CD36: variants seen among roughly 807,000 people sequenced by gnomAD.
CD36 encodes CD36 molecule (CD36 blood group).
A neutral mutation model predicts 55.2 loss-of-function variants in CD36; 119 were observed. That is an observed-to-expected ratio of 2.15 (90% confidence interval 1.86 to 2.51). CD36 has a LOEUF of 2.51. Ranked by LOEUF, CD36 falls within the 30% of genes most tolerant of loss-of-function variation. The pLI, the probability that CD36 is intolerant of heterozygous loss-of-function variation, is 0.00. For synonymous variants in CD36, 186 were observed against 193.6 expected (o/e 0.96, Z 0.33); for missense variants, 819 against 555.5 (o/e 1.47, Z -4.77).
At chr7:80,658,992 A>G (rs1303730485) in intron 4 of CD36, among the ~76,000 whole-genome samples, 1 of 152,154 alleles carries the variant, frequency 6.6e-6, no homozygotes, top group Non-Finnish European at 1.5e-5. Context: ...GGAGAAGAAC[A>G]GTTGCATTTA....
At chr7:80,646,907 AC>A in intron 3 of CD36, 47 bp downstream of exon 3, 1 of 1,608,000 alleles carries the variant, frequency 6.2e-7, no homozygotes, top group African/African-American at 1.3e-5. Flanking sequence ...ATTGATTCTA[AC>A]TTCTCTTTTT....
chr7:80,605,622 A>G (rs536830405), intron 1 of CD36, among the ~76,000 whole-genome samples: 66 of 152,286 alleles, frequency 4.3e-4, no homozygotes, highest in South Asian at 1.2e-3. Flanking sequence ...AATGCTAAGT[A>G]ACTTCACACA....
chr7:80,674,248 C>A lies in CD36; in HGVS notation c.*101C>A, dbSNP rs1798045802. On this transcript the variant is annotated intron_variant, in intron 14 of 14. Transcript: ENST00000447544. ...GTTACATATTAGGCCATATATATTTCTAGACATGTCTAGCCACTGATCATT... is the reference window on the plus strand; with the variant it reads ...GTTACATATTAGGCCATATATATTTATAGACATGTCTAGCCACTGATCATT... The A allele has an allele frequency of 6.3e-6, 5 of 793,100 alleles. No individual in the cohort carries two copies. In the Middle Eastern group the frequency reaches 9.3e-4, roughly 147 times the overall value. 49.1% of individuals were successfully genotyped at this position (793,100 alleles called of 1,614,324 possible).
intron 3 of CD36, among the ~76,000 whole-genome samples, chr7:80,652,344 C>G (rs1795693787): frequency 6.6e-6 from 1 of 152,034 alleles, no homozygotes; most frequent in African/African-American, 2.4e-5. Context: ...TTCTTGGAGG[C>G]TAATTTCTAG....
intron 1 of CD36, among the ~76,000 whole-genome samples, chr7:80,605,179 T>C (rs1009902550): frequency 6.6e-6 from 1 of 152,178 alleles, no homozygotes; most frequent in African/African-American, 2.4e-5. Flanking sequence ...ACCTATTTTG[T>C]TTGAATACAT....
intron 14 of CD36, 111 bp downstream of exon 14, chr7:80,674,258 C>G: frequency 1.3e-6 from 1 of 741,926 alleles, no homozygotes; most frequent in African/African-American, 1.8e-5. Flanking sequence ...CTAGACATGT[C>G]TAGCCACTGA....
At chr7:80,618,177 G>A (rs369357500) in intron 1 of CD36, among the ~76,000 whole-genome samples, 1 of 152,100 alleles carries the variant, frequency 6.6e-6, no homozygotes, top group Non-Finnish European at 1.5e-5. Context: ...GCTCAGCACT[G>A]TTTGACTTTG....
Position 80,661,092 on chromosome 7 carries a change from C to G in CD36, c.311C>G (p.Thr104Ser). ...RVRFLAKENV[T>S]QDAEDNTVSF... ...CGTTTTCTAGCCAAGGAAAATGTAA[C>G]CCAGGACGCTGAGGACAACACAGTC... The change falls in exon 5 of 15, where the codon ACC (threonine) becomes AGC (serine). Residue 104 changes from threonine to serine, a missense_variant. By Grantham distance (58) the Thr-to-Ser change is moderately conservative. Transcript: ENST00000447544. The G allele has an allele frequency of 1.2e-6, 2 of 1,613,796 alleles. No individual in the cohort carries two copies. Among genetic ancestry groups the G allele is most frequent in the Non-Finnish European group, 1.7e-6 (2 of 1,179,722 alleles).
chr7:80,629,525 C>T (rs537138756), intron 1 of CD36, among the ~76,000 whole-genome samples: 4 of 152,040 alleles, frequency 2.6e-5, no homozygotes, highest in Admixed American at 1.3e-4. Context: ...CGAATCTTTC[C>T]CTCTGAACTT....
At position 80,676,613 on chromosome 7, in the gene CD36, T is replaced by A. The variant is rs1798173604; in HGVS notation, c.*230T>A. 6.6e-6 allele frequency: 1 copy of A among 152,160 alleles called. No homozygotes were observed. The highest frequency in any genetic ancestry group is 2.1e-4 in the South Asian group (1 of 4,828). 9.4% of individuals were successfully genotyped at this position (152,160 alleles called of 1,614,324 possible). On this transcript the variant is annotated 3_prime_UTR_variant, in exon 15 of 15. Transcript: ENST00000447544. ...GTGCACCAAATATTTTGAAAGACAT[T>A]TATAAATAATTGGCTTATGACTCAT...
chr7:80,657,340 T>G (rs1584405847), intron 4 of CD36, among the ~76,000 whole-genome samples: 2 of 152,334 alleles, frequency 1.3e-5, no homozygotes, highest in Middle Eastern at 6.8e-3. Context: ...ACTCAAGATT[T>G]ATATTCAAAT....
chr7:80,624,951 G>A (rs562307479), intron 1 of CD36: 3 of 152,184 alleles, frequency 2.0e-5, no homozygotes, highest in South Asian at 2.1e-4. Context: ...GAGGTCACAC[G>A]CAGTCTCTGC....
At chr7:80,676,222 A>T (rs540187391) in intron 14 of CD36, 162 bp from the exon 15 acceptor site, 67 of 152,312 alleles carry the variant, frequency 4.4e-4, no homozygotes, top group Middle Eastern at 3.4e-3. Flanking sequence ...CTTATCTTTT[A>T]GTTGAAGAAA....
At position 80,666,125 on chromosome 7, in the gene CD36, GA is replaced by G. The variant is rs3211918; in HGVS notation, c.702-307del. Reference sequence around the variant, plus strand: ...ACTGAGTAATTCATGTATCCCATTGGAAAAAAAAAAATTTCCCCTAAGTAGA... The same window carrying G: ...ACTGAGTAATTCATGTATCCCATTGGAAAAAAAAAATTTCCCCTAAGTAGA... On this transcript the variant is annotated intron_variant, in intron 7 of 14. Coordinates refer to ENST00000447544, the MANE Select transcript of CD36 (RefSeq NM_001001548.3). The G allele has an allele frequency of 0.042, 11,611 of 278,780 alleles. 421 individuals are homozygous for G. Among genetic ancestry groups the G allele is most frequent in the African/African-American group, 0.14 (6,180 of 44,346 alleles). 17.3% of individuals were successfully genotyped at this position (278,780 alleles called of 1,614,324 possible).
intron 1 of CD36, among the ~76,000 whole-genome samples, chr7:80,631,820 T>C (rs1231476030): frequency 2.0e-5 from 3 of 151,088 alleles, no homozygotes; most frequent in Non-Finnish European, 4.4e-5. Flanking sequence ...ATATTTTATA[T>C]ATATACATAA....
upstream of CD36, among the ~76,000 whole-genome samples, chr7:80,637,755 A>T (rs956834797): frequency 3.9e-5 from 6 of 152,050 alleles, no homozygotes. Context: ...GAATGCATTT[A>T]TCCAGCTCTC....
At chr7:80,611,445 T>G (rs1055440490) in intron 1 of CD36, among the ~76,000 whole-genome samples, 1 of 152,208 alleles carries the variant, frequency 6.6e-6, no homozygotes, top group African/African-American at 2.4e-5. Flanking sequence ...TGAGAGATTG[T>G]GCTAGCATAT....
intron 14 of CD36, 110 bp downstream of exon 14, chr7:80,674,257 T>C: frequency 1.3e-6 from 1 of 746,870 alleles, no homozygotes; most frequent in Non-Finnish European, 2.3e-6. Flanking sequence ...TCTAGACATG[T>C]CTAGCCACTG....
intron 3 of CD36, among the ~76,000 whole-genome samples, chr7:80,648,374 G>T (rs1422324469): frequency 1.3e-5 from 2 of 152,032 alleles, no homozygotes; most frequent in Admixed American, 6.6e-5. Context: ...AATGCACAGC[G>T]ATTTAGACTA....
Sources: allele counts gnomAD v4.1 joint callset (sites outside exome capture counted in the v4.1 genomes callset), GRCh38; gene constraint gnomAD v4.1.1; transcripts MANE v1.5; gene names NCBI Gene and HGNC (gene_info 2026-07-23, HGNC 2026-07-21).